Variants in TEX9 observed in about 807,000 individuals in gnomAD.
The protein encoded by TEX9 is testis expressed 9.
A neutral mutation model predicts 59.6 loss-of-function variants in TEX9; 74 were observed. The observed-to-expected ratio is 1.24, with a 90% confidence interval of 1.03 to 1.51. The LOEUF (loss-of-function observed/expected upper bound fraction) is 1.51. TEX9 is among the 40% of genes most tolerant of loss of function. The pLI, the probability that TEX9 is intolerant of heterozygous loss-of-function variation, is 0.00. For missense variants in TEX9, 522 were observed against 447.8 expected (o/e 1.17, Z -1.49); for synonymous variants, 186 against 152.2 (o/e 1.22, Z -1.64).
chr15:56,263,151 G>A (rs2044305434), intron 1 of TEX9, among the ~76,000 whole-genome samples: 1 of 152,102 alleles, frequency 6.6e-6, no homozygotes, highest in Non-Finnish European at 1.5e-5. Flanking sequence ...AGCCTCCCGA[G>A]TAGCTGGGAT....
intron 4 of TEX9, among the ~76,000 whole-genome samples, chr15:56,387,271 G>T (rs1248792970): frequency 3.3e-5 from 5 of 151,860 alleles, no homozygotes; most frequent in African/African-American, 1.2e-4. Context: ...ATGTATGCAT[G>T]TATGTTGGGG....
chr15:56,443,885 G>A, intron 12 of TEX9: 1 of 1,444,720 alleles, frequency 6.9e-7, no homozygotes, highest in Non-Finnish European at 9.4e-7. Context: ...CAGATTTATA[G>A]TAAACAATAA....
chr15:56,357,882 A>G (rs2046713035), intron 1 of TEX9, among the ~76,000 whole-genome samples: 2 of 152,074 alleles, frequency 1.3e-5, no homozygotes. Context: ...TAATATCTGA[A>G]TTTATTGGAA....
intron 1 of TEX9, among the ~76,000 whole-genome samples, chr15:56,356,832 G>C (rs1470561905): frequency 2.6e-5 from 4 of 152,072 alleles, no homozygotes; most frequent in African/African-American, 7.2e-5. Context: ...TGCTCATCCT[G>C]GTTGTGGTTT....
intron 1 of TEX9, among the ~76,000 whole-genome samples, chr15:56,300,180 C>T (rs2045310291): frequency 6.6e-6 from 1 of 151,932 alleles, no homozygotes; most frequent in South Asian, 2.1e-4. Flanking sequence ...GCATTCACCA[C>T]AAGCTGAAGA....
chr15:56,263,476 C>G (rs2141356280), intron 1 of TEX9, among the ~76,000 whole-genome samples: 1 of 151,924 alleles, frequency 6.6e-6, no homozygotes, highest in South Asian at 2.1e-4. Context: ...GTTCTTTTTC[C>G]TTTCCTAATT....
chr15:56,244,079 G>A (rs1343765344), exon 1 of TEX9: 1 of 151,758 alleles, frequency 6.6e-6, no homozygotes, highest in African/African-American at 2.4e-5. Context: ...AAAACGTGGG[G>A]GAGGTGCTGG....
chr15:56,289,064 T>A lies in TEX9; in HGVS notation c.-107+44786T>A, dbSNP rs1415095835. 2.0e-5 allele frequency among the ~76,000 whole-genome samples: 3 copies of A among 152,348 alleles called. No individual in the cohort carries two copies. In the East Asian group the frequency reaches 5.8e-4, roughly 29 times the overall value. On this transcript the variant is annotated intron_variant, in intron 1 of 5. Transcript: ENST00000560827. ...TGCATTTTCAACTCCAGAGTTCTTG[T>A]CTGATTTTTAAAATATAATTTCAAT...
chr15:56,265,330 C>CA (rs1465198704), intron 1 of TEX9, among the ~76,000 whole-genome samples: 9 of 150,508 alleles, frequency 6.0e-5, no homozygotes, highest in Admixed American at 6.0e-4. Flanking sequence ...CCAGGCCCAG[C>CA]TTTTTTTTTA....
intron 9 of TEX9, chr15:56,410,325 G>C (rs1404552887): frequency 6.6e-6 from 1 of 152,016 alleles, no homozygotes; most frequent in African/African-American, 2.4e-5. Context: ...CTCTGCTGTG[G>C]CTGATGCATG....
At chr15:56,443,391 T>C in intron 12 of TEX9, 3 of 1,410,976 alleles carry the variant, frequency 2.1e-6, no homozygotes, top group Non-Finnish European at 2.9e-6. Flanking sequence ...AATTATATTC[T>C]TCTCTACATT....
chr15:56,262,019 G>A (rs935725360), intron 1 of TEX9, among the ~76,000 whole-genome samples: 10 of 152,180 alleles, frequency 6.6e-5, no homozygotes, highest in Non-Finnish European at 1.5e-4. Context: ...TCTCAGTGGA[G>A]TCATTCTGCT....
chr15:56,307,601 A>G (rs1264210850), intron 1 of TEX9, among the ~76,000 whole-genome samples: 1 of 152,240 alleles, frequency 6.6e-6, no homozygotes, highest in Non-Finnish European at 1.5e-5. Flanking sequence ...TACGTATCAT[A>G]AAATTCACCC....
intron 6 of TEX9, 140 bp downstream of exon 6, chr15:56,389,540 C>T: frequency 1.7e-6 from 1 of 593,636 alleles, no homozygotes; most frequent in Non-Finnish European, 2.9e-6. Context: ...ATATCTTATC[C>T]ACATTCAGTA....
intron 12 of TEX9, chr15:56,428,927 T>C (rs1287513882): frequency 1.8e-6 from 1 of 540,824 alleles, no homozygotes; most frequent in Non-Finnish European, 3.2e-6. Context: ...AATAACAGCT[T>C]GATTAAAATT....
chr15:56,444,696 C>G, intron 12 of TEX9: 1 of 1,583,090 alleles, frequency 6.3e-7, no homozygotes, highest in Non-Finnish European at 8.6e-7. Flanking sequence ...CAAAATTGAT[C>G]TTTCCGTTTT....
chr15:56,247,788 G>A (rs1241723797), intron 1 of TEX9, among the ~76,000 whole-genome samples: 1 of 152,196 alleles, frequency 6.6e-6, no homozygotes, highest in East Asian at 1.9e-4. Context: ...TACCAGATAT[G>A]GAAAAGGTAA....
At chr15:56,245,262 A>T (rs2043821060) in intron 1 of TEX9, among the ~76,000 whole-genome samples, 1 of 152,046 alleles carries the variant, frequency 6.6e-6, no homozygotes, top group Non-Finnish European at 1.5e-5. Context: ...CCACAGACTT[A>T]AGGCCCAGAC....
At chr15:56,290,011 T>C (rs2045050619) in intron 1 of TEX9, among the ~76,000 whole-genome samples, 2 of 152,176 alleles carry the variant, frequency 1.3e-5, no homozygotes, top group African/African-American at 2.4e-5. Flanking sequence ...GGATTGGCTC[T>C]GGAGTGTGAA....
Sources: allele counts gnomAD v4.1 joint callset (sites outside exome capture counted in the v4.1 genomes callset), GRCh38; gene constraint gnomAD v4.1.1; transcripts MANE v1.5; gene names NCBI Gene and HGNC (gene_info 2026-07-23, HGNC 2026-07-21).